Variants in SLC6A20 observed in about 807,000 individuals in gnomAD.
SLC6A20 encodes the protein solute carrier family 6 member 20.
Under a neutral mutation model 64.3 loss-of-function variants are expected in SLC6A20, and 73 were observed. That is an observed-to-expected ratio of 1.14 (90% CI 0.94 to 1.38). The LOEUF (loss-of-function observed/expected upper bound fraction) is 1.38. Among genes scored for constraint, SLC6A20 ranks in the 40% most tolerant of loss-of-function variants. The pLI is 0.00. For missense variants in SLC6A20, 725 were observed against 772.8 expected, an observed-to-expected ratio of 0.94 and a Z score of 0.73; for synonymous variants, 347 against 329.6, an observed-to-expected ratio of 1.05 and a Z score of -0.57.
intron 10 of SLC6A20, 53 bp downstream of exon 10, chr3:45,759,804 G>A: frequency 1.9e-6 from 3 of 1,556,822 alleles, no homozygotes; most frequent in East Asian, 4.5e-5. Flanking sequence ...AATGGCCCAT[G>A]CTTTTCAGTG....
At chr3:45,777,610 C>G (rs2125648245) in intron 3 of SLC6A20, among the ~76,000 whole-genome samples, 1 of 152,326 alleles carries the variant, frequency 6.6e-6, no homozygotes, top group East Asian at 1.9e-4. Flanking sequence ...TGTGGGACAT[C>G]CAGGCTAGCT....
chr3:45,775,292 C>A (rs1166570463), intron 4 of SLC6A20, among the ~76,000 whole-genome samples: 1 of 152,086 alleles, frequency 6.6e-6, no homozygotes, highest in African/African-American at 2.4e-5. Context: ...ACCCAGTGCT[C>A]AGGACACACC....
chr3:45,755,546 T>C lies in SLC6A20; in HGVS notation c.*3432A>G, dbSNP rs567030662. On this transcript the variant is annotated 3_prime_UTR_variant, in exon 11 of 11. Transcript: ENST00000358525. Reference sequence around the variant, plus strand: ...CTTGGAGCTAAATCAAGGTTTGCTATGTTTCCAGTAAAAACAGAAAGCTTT... The same window carrying C: ...CTTGGAGCTAAATCAAGGTTTGCTACGTTTCCAGTAAAAACAGAAAGCTTT... The C allele has an allele frequency of 6.5e-6, 1 of 152,762 alleles. No individual in the cohort carries two copies. Among genetic ancestry groups the C allele is most frequent in the African/African-American group, 2.4e-5 (1 of 41,596 alleles). 9.5% of individuals were successfully genotyped at this position (152,762 alleles called of 1,614,324 possible). A position where few individuals can be genotyped will look rare whatever the true frequency, so the allele number is the denominator to read the frequency against.
chr3:45,787,042 T>A (rs184505042), intron 1 of SLC6A20, among the ~76,000 whole-genome samples: 1 of 152,316 alleles, frequency 6.6e-6, no homozygotes, highest in Non-Finnish European at 1.5e-5. Context: ...TCCAGTCCCC[T>A]CCCTGCAGTT....
At chr3:45,763,097 C>T (rs747076416) in intron 8 of SLC6A20, 25 bp from the exon 9 acceptor site, 34 of 1,612,564 alleles carry the variant, frequency 2.1e-5, no homozygotes. Flanking sequence ...ACCAGCTGCT[C>T]ACCTGCCCGA....
chr3:45,785,891 C>T (rs1700162309), intron 1 of SLC6A20, among the ~76,000 whole-genome samples: 1 of 152,160 alleles, frequency 6.6e-6, no homozygotes, highest in Non-Finnish European at 1.5e-5. Flanking sequence ...GCTTCACCTT[C>T]CTTCTCTTGG....
chr3:45,771,865 C>A (rs1273838095), intron 5 of SLC6A20: 4 of 226,816 alleles, frequency 1.8e-5, no homozygotes, highest in Non-Finnish European at 3.5e-5. Flanking sequence ...TAGGCAGTTA[C>A]TGCACAGGTC....
chr3:45,759,527 C>T (rs867911591), intron 10 of SLC6A20, among the ~76,000 whole-genome samples: 2 of 152,226 alleles, frequency 1.3e-5, no homozygotes, highest in Admixed American at 6.5e-5. Context: ...TCAGTGCTGT[C>T]TGCTGCGGTA....
At position 45,770,318 on chromosome 3, in the gene SLC6A20, G is replaced by C. The variant is rs1193221261; in HGVS notation, c.989C>G (p.Ala330Gly). ...TFDLEDGFLT[A>G]SNLEQVKGYL... Reference sequence around the variant, plus strand: ...GCCCTTCACCTGCTCCAGGTTGCTGGCTGTCAAAAAGCCATCTTCAAGGTC... The same window carrying C: ...GCCCTTCACCTGCTCCAGGTTGCTGCCTGTCAAAAAGCCATCTTCAAGGTC... The change falls in exon 7 of 11, where the codon GCC (alanine) becomes GGC (glycine). Residue 330 changes from alanine (A) to glycine (G), a missense_variant. Physicochemically the swap from Ala to Gly is moderately conservative, Grantham distance 60 (BLOSUM62 0). Transcript: ENST00000358525. 1.2e-5 allele frequency: 20 copies of C among 1,614,166 alleles called. No homozygotes were observed. Among genetic ancestry groups the C allele is most frequent in the Non-Finnish European group, 1.5e-5 (18 of 1,180,034 alleles).
chr3:45,780,017 A>G lies in SLC6A20; in HGVS notation c.346T>C (p.Ser116Pro), dbSNP rs1575433481. ...NAWAFWYLFHSFQDPLPWSVC... is the reference protein window; with the variant it reads ...NAWAFWYLFHPFQDPLPWSVC... The stretch of plus-strand genomic sequence containing the variant: ...CGGGCCCCCCGGCTCACCTGGAAGG[A>G]GTGGAAGAGGTACCAGAAGGCCCAG... The change falls in exon 3 of 11, where the codon TCC becomes CCC. Residue 116 changes from serine (S) to proline (P), a missense_variant. Transcript: ENST00000358525. 6 of 1,601,716 alleles carry G rather than the reference A, an allele frequency of 3.7e-6. No individual in the cohort carries two copies. Among genetic ancestry groups the G allele is most frequent in the Non-Finnish European group, 4.3e-6 (5 of 1,174,008 alleles).
chr3:45,785,145 T>C (rs895011105), intron 1 of SLC6A20, among the ~76,000 whole-genome samples: 1 of 152,012 alleles, frequency 6.6e-6, no homozygotes, highest in Non-Finnish European at 1.5e-5. Context: ...AAGGCAAAAC[T>C]ATAGGGACAG....
chr3:45,770,875 G>A (rs1699850810), intron 6 of SLC6A20, among the ~76,000 whole-genome samples: 1 of 152,188 alleles, frequency 6.6e-6, no homozygotes, highest in South Asian at 2.1e-4. Flanking sequence ...TGTATTTTGG[G>A]CAAGGGGCCA....
intron 1 of SLC6A20, among the ~76,000 whole-genome samples, chr3:45,785,648 C>CTTT (rs1700159005): frequency 1.0e-5 from 1 of 95,642 alleles, no homozygotes; most frequent in Non-Finnish European, 2.3e-5. Flanking sequence ...TCTCTCTCTT[C>CTTT]CCCCTATTAG....
chr3:45,763,187 A>C, intron 8 of SLC6A20, 115 bp from the exon 9 acceptor site: 1 of 1,463,036 alleles, frequency 6.8e-7, no homozygotes, highest in South Asian at 1.3e-5. Flanking sequence ...TGATTGCTTC[A>C]TCCACATGGG....
At chr3:45,760,314 C>T (rs930113127) in intron 9 of SLC6A20, among the ~76,000 whole-genome samples, 8 of 152,194 alleles carry the variant, frequency 5.3e-5, no homozygotes, top group African/African-American at 1.9e-4. Context: ...GCTGGCATAG[C>T]CCAGAGGGCA....
chr3:45,795,685 C>T (rs1700334138), intron 1 of SLC6A20, among the ~76,000 whole-genome samples: 1 of 152,202 alleles, frequency 6.6e-6, no homozygotes, highest in South Asian at 2.1e-4. Flanking sequence ...GAGCGCGTGG[C>T]TGGCTGGCTG....
At chr3:45,775,681 G>A in intron 4 of SLC6A20, 80 bp downstream of exon 4, 2 of 1,392,274 alleles carry the variant, frequency 1.4e-6, no homozygotes, top group Non-Finnish European at 2.0e-6. Flanking sequence ...ATTGCCTAGG[G>A]TTGGAGACAG....
chr3:45,766,840 A>G (rs1699784867), intron 7 of SLC6A20, among the ~76,000 whole-genome samples: 1 of 152,192 alleles, frequency 6.6e-6, no homozygotes, highest in African/African-American at 2.4e-5. Flanking sequence ...GGATTGAGAG[A>G]CAAATTCCTG....
chr3:45,770,978 A>G (rs1699852608), intron 6 of SLC6A20, among the ~76,000 whole-genome samples: 1 of 152,128 alleles, frequency 6.6e-6, no homozygotes, highest in Non-Finnish European at 1.5e-5. Context: ...ACAAAATTTG[A>G]TCATTGTATG....
Sources: gnomAD v4.1 joint callset for allele counts (sites outside exome capture counted in the v4.1 genomes callset) on GRCh38, gnomAD v4.1.1 for gene constraint, MANE v1.5 for transcripts, NCBI Gene and HGNC (gene_info 2026-07-23, HGNC 2026-07-21) for gene names.